The following PCDHA11 variants were observed in gnomAD, a reference collection of about 807,000 sequenced individuals.
PCDHA11 encodes the protein protocadherin alpha-11.
Under a neutral mutation model 70.3 loss-of-function variants are expected in PCDHA11, and 61 were observed. The ratio of observed to expected loss-of-function variants is 0.87; its 90% CI spans 0.71 to 1.07. The LOEUF is 1.07. Among genes scored for constraint, PCDHA11 ranks in the 50% least tolerant of loss-of-function variants. The probability of loss-of-function intolerance (pLI) is 0.00; values close to 1 mark genes in which losing one functional copy is unlikely to be tolerated. For synonymous variants in PCDHA11, 633 were observed against 555.1 expected (o/e 1.14, Z -1.97); for missense variants, 1,324 against 1,237.5 (o/e 1.07, Z -1.05).
At chr5:140,967,989 T>G (rs781892084) in intron 1 of PCDHA11, 2 of 1,614,228 alleles carry the variant, frequency 1.2e-6, no homozygotes, top group Non-Finnish European at 1.7e-6. Flanking sequence ...GAGGCCACAC[T>G]GCCTTTCCGA....
At chr5:140,982,660 T>C (rs2096994626) in intron 3 of PCDHA11, 97 bp downstream of exon 3, 2 of 1,482,562 alleles carry the variant, frequency 1.3e-6, no homozygotes, top group South Asian at 2.7e-5. Context: ...CTCTTTTTCT[T>C]TTATATTTTT....
At position 140,927,438 on chromosome 5, in the gene PCDHA11, C is replaced by A. The variant is rs1446762816; in HGVS notation, c.2392-51511C>A. ...GATCGCGGGTTGACGGCAGCGAATACCCGGAGTTGGTGTTGGAGAAAGCAC... is the reference window on the plus strand; with the variant it reads ...GATCGCGGGTTGACGGCAGCGAATAACCGGAGTTGGTGTTGGAGAAAGCAC... On this transcript the variant is annotated intron_variant, in intron 1 of 3. Coordinates refer to ENST00000398640, the MANE Select transcript of PCDHA11 (RefSeq NM_018902.5). 3 of 1,614,032 alleles carry A rather than the reference C, an allele frequency of 1.9e-6. No individual in the cohort carries two copies. The Admixed American group carries it at 5.0e-5, about 27-fold the overall frequency.
chr5:140,961,728 A>G (rs2095632104), intron 1 of PCDHA11, among the ~76,000 whole-genome samples: 1 of 152,192 alleles, frequency 6.6e-6, no homozygotes, highest in East Asian at 1.9e-4. Context: ...GCTCATAAAC[A>G]ATCACTTTAG....
chr5:140,938,797 G>A (rs76361474), intron 1 of PCDHA11, among the ~76,000 whole-genome samples: 2 of 151,926 alleles, frequency 1.3e-5, no homozygotes, highest in East Asian at 1.9e-4. Flanking sequence ...TGAAATAATC[G>A]GTACCACAAA....
At chr5:140,876,044 T>G in intron 1 of PCDHA11, 2 of 1,613,884 alleles carry the variant, frequency 1.2e-6, no homozygotes, top group Non-Finnish European at 1.7e-6. Context: ...AAAAGTATAT[T>G]GCCTGAATTA....
At chr5:141,006,637 T>C (rs782585273) in intron 3 of PCDHA11, among the ~76,000 whole-genome samples, 8 of 152,118 alleles carry the variant, frequency 5.3e-5, no homozygotes, top group Non-Finnish European at 1.2e-4. Flanking sequence ...GCAATTCATA[T>C]AAGAGATGAT....
chr5:140,966,373 T>G (rs1554228235), intron 1 of PCDHA11: 1 of 404,624 alleles, frequency 2.5e-6, no homozygotes, highest in African/African-American at 2.1e-5. Flanking sequence ...GGCTGAGCAG[T>G]CCGGGTTCGC....
chr5:140,880,800 T>A (rs1453041032), intron 1 of PCDHA11, among the ~76,000 whole-genome samples: 1 of 152,130 alleles, frequency 6.6e-6, no homozygotes, highest in Admixed American at 6.6e-5. Context: ...TATAAATAGG[T>A]GAATGACTCT....
intron 1 of PCDHA11, chr5:140,878,024 G>A (rs2057444305): frequency 7.9e-6 from 6 of 757,742 alleles, no homozygotes; most frequent in South Asian, 2.8e-5. Context: ...AAGGAAATAT[G>A]TAGGTACAAT....
At chr5:140,991,629 T>C (rs1466263798) in intron 3 of PCDHA11, among the ~76,000 whole-genome samples, 5 of 152,208 alleles carry the variant, frequency 3.3e-5, no homozygotes, top group African/African-American at 1.2e-4. Context: ...ATATTTGTAA[T>C]AACAATCTGT....
intron 1 of PCDHA11, among the ~76,000 whole-genome samples, chr5:140,941,764 A>T (rs116374830): frequency 2.0e-5 from 3 of 152,190 alleles, no homozygotes. Flanking sequence ...TGCTTTTAAG[A>T]TAATTGTTTT....
At position 140,997,702 on chromosome 5, in the gene PCDHA11, T is replaced by A. The variant is rs548432387; in HGVS notation, c.2540-11925T>A. Reference sequence around the variant, plus strand: ...TGTGTGTGTGTGTGTGTGTGTATGTTAACAAACACCTTTCTACGTCAGTAC... The same window carrying A: ...TGTGTGTGTGTGTGTGTGTGTATGTAAACAAACACCTTTCTACGTCAGTAC... On this transcript the variant is annotated intron_variant, in intron 3 of 3. Coordinates refer to ENST00000398640, the MANE Select transcript of PCDHA11 (RefSeq NM_018902.5). 1.4e-3 allele frequency among the ~76,000 whole-genome samples: 209 copies of A among 150,856 alleles called. 1 individual carries two copies. The highest frequency in any genetic ancestry group is 4.8e-3 in the African/African-American group (199 of 41,058).
chr5:140,968,789 G>C, intron 1 of PCDHA11: 5 of 1,614,180 alleles, frequency 3.1e-6, no homozygotes, highest in Non-Finnish European at 4.2e-6. Context: ...AGCCTCTGTG[G>C]CCATTACAGT....
intron 1 of PCDHA11, chr5:140,882,349 T>TC (rs1396642305): frequency 5.0e-6 from 8 of 1,613,872 alleles, no homozygotes; most frequent in Non-Finnish European, 6.8e-6. Context: ...GGGAGACGGG[T>TC]AGTGGCCAGC....
chr5:140,925,641 TATA>T (rs10569930), intron 1 of PCDHA11, among the ~76,000 whole-genome samples: 13,718 of 143,270 alleles, frequency 0.096, 957 homozygotes, highest in East Asian at 0.35. Context: ...GAACTTAAAG[TATA>T]ATAATAATAA....
chr5:140,995,654 A>C (rs1183016354), intron 3 of PCDHA11, among the ~76,000 whole-genome samples: 2 of 152,184 alleles, frequency 1.3e-5, no homozygotes, highest in Non-Finnish European at 1.5e-5. Flanking sequence ...AGGAGAATCG[A>C]AAAGGGAAGT....
At chr5:140,916,967 G>T (rs1215722713) in intron 1 of PCDHA11, among the ~76,000 whole-genome samples, 1 of 152,194 alleles carries the variant, frequency 6.6e-6, no homozygotes, top group African/African-American at 2.4e-5. Flanking sequence ...TGACTGCTGG[G>T]ATGAGTGATT....
chr5:140,884,499 C>T (rs782667822), intron 1 of PCDHA11: 1 of 1,614,062 alleles, frequency 6.2e-7, no homozygotes, highest in South Asian at 1.1e-5. Flanking sequence ...TGCTCCAGCG[C>T]GGCAGGGAGT....
chr5:140,970,687 CT>C (rs1464659851), intron 1 of PCDHA11, among the ~76,000 whole-genome samples: 1 of 152,078 alleles, frequency 6.6e-6, no homozygotes, highest in Non-Finnish European at 1.5e-5. Flanking sequence ...GTAGAAAGGG[CT>C]TTTAGAGCTA....
Sources: allele counts gnomAD v4.1 joint callset (sites outside exome capture counted in the v4.1 genomes callset), GRCh38; gene constraint gnomAD v4.1.1; transcripts MANE v1.5; gene names NCBI Gene and HGNC (gene_info 2026-07-23, HGNC 2026-07-21).